WDCP: variants seen among roughly 807,000 people sequenced by gnomAD.
WDCP encodes WD repeat and coiled-coil-containing protein.
WDCP carries 19 observed loss-of-function variants against 41.6 expected under a neutral mutation model. The ratio of observed to expected loss-of-function variants is 0.46; its 90% CI spans 0.32 to 0.67. The LOEUF (loss-of-function observed/expected upper bound fraction) is 0.67. WDCP is among the 30% of genes least tolerant of loss of function. WDCP has a pLI of 0.04. For synonymous variants in WDCP, 302 were observed against 320.8 expected, an observed-to-expected ratio of 0.94 and a Z score of 0.63; for missense variants, 802 against 850.7, an observed-to-expected ratio of 0.94 and a Z score of 0.71.
At chr2:24,033,871 G>A (rs1156853388) in intron 2 of WDCP, among the ~76,000 whole-genome samples, 1 of 152,120 alleles carries the variant, frequency 6.6e-6, no homozygotes, top group Non-Finnish European at 1.5e-5. Context: ...TGGGCAACAT[G>A]GCAAGACCCC....
At chr2:24,031,347 A>C (rs1337549945) in intron 3 of WDCP, among the ~76,000 whole-genome samples, 185 bp from the exon 4 acceptor site, 1 of 152,180 alleles carries the variant, frequency 6.6e-6, no homozygotes, top group Admixed American at 6.6e-5. Flanking sequence ...GTCAGGTAGG[A>C]GAAAAAGGGG....
Position 24,038,066 on chromosome 2 carries a change from CTTTGT to C in WDCP, c.1424_1428del (p.Asn475ArgfsTer7), listed in dbSNP as rs749479538. 1 of 1,614,086 alleles carries C rather than the reference CTTTGT, an allele frequency of 6.2e-7. No individual in the cohort carries two copies. Among genetic ancestry groups the C allele is most frequent in the Non-Finnish European group, 8.5e-7 (1 of 1,180,000 alleles). On this transcript the variant is annotated frameshift_variant, in exon 2 of 4. Transcript: ENST00000295148. LOFTEE classifies it high-confidence loss of function. ...CTGGTATTAACTGTCAGCAACAGCC[CTTTGT>C]TTTGGTGACAAAAATCTGGGGAAAG... is the stretch of plus-strand genomic sequence containing the variant.
At chr2:24,036,343 T>TA (rs767621297) in intron 2 of WDCP, among the ~76,000 whole-genome samples, 134 of 138,828 alleles carry the variant, frequency 9.7e-4, no homozygotes, top group Middle Eastern at 3.9e-3. Context: ...CTGTCTCTGC[T>TA]AAAAAAAAAA....
rs869243363 is a variant in WDCP at position 24,045,600 on chromosome 2, C to CA, written c.-19+1713dup. ...TGGGTGACAGAGCAAGACTCCATCT[C>CA]AAAAAAAAAAAAAAAAAAAAGAGAG... On this transcript the variant is annotated intron_variant, in intron 1 of 3. Transcript: ENST00000295148. Among the ~76,000 whole-genome samples, 291 of 64,252 alleles carry CA rather than the reference C, an allele frequency of 4.5e-3. 4 individuals are homozygous for CA. Among genetic ancestry groups the CA allele is most frequent in the Non-Finnish European group, 5.9e-3 (210 of 35,670 alleles). The allele number at this position is 64,252 out of a possible 152,430, so 42.2% of individuals were successfully genotyped here. A position where few individuals can be genotyped will look rare whatever the true frequency, so the allele number is the denominator to read the frequency against.
Position 24,038,669 on chromosome 2 carries a change from A to G in WDCP, c.826T>C (p.Ser276Pro). ...DSETNSEVSV[S>P]SSYLEPLDLT... Reference sequence around the variant, plus strand: ...TCCAGAGGTTCTAAATAGGAAGAAGAAACTGATACTTCAGAATTTGTTTCA... The same window carrying G: ...TCCAGAGGTTCTAAATAGGAAGAAGGAACTGATACTTCAGAATTTGTTTCA... Residue 276 changes from serine to proline, a missense_variant, in exon 2 of 4, where the codon TCT becomes CCT. Around this residue, in one of 5 missense-constraint regions of WDCP, gnomAD observed 247 missense variants for 240.5 expected, o/e 1.03. Transcript: ENST00000295148. The G allele has an allele frequency of 4.3e-6, 7 of 1,614,248 alleles. No homozygotes were observed. Among genetic ancestry groups the G allele is most frequent in the Non-Finnish European group, 5.9e-6 (7 of 1,180,030 alleles).
intron 1 of WDCP, among the ~76,000 whole-genome samples, chr2:24,046,555 T>C (rs553639440): frequency 1.3e-4 from 20 of 152,340 alleles, no homozygotes; most frequent in African/African-American, 4.6e-4. Context: ...GTTTTTCATC[T>C]TCTTTAAAGA....
In WDCP at chr2:24,038,314, A is replaced by G; in HGVS notation, c.1181T>C (p.Leu394Ser). Residue 394 changes from leucine to serine, a missense_variant, in exon 2 of 4, where the codon TTG becomes TCG. Physicochemically the swap from Leu to Ser is moderately radical, Grantham distance 145 (BLOSUM62 -2). This residue lies in a region of WDCP where 247 missense variants were observed against 240.5 expected (regional missense o/e 1.03). Coordinates refer to ENST00000295148, the MANE Select transcript of WDCP (RefSeq NM_025203.3). Reference protein sequence around the residue: ...NTERPKGICFLTDQLLLILVG... With the variant: ...NTERPKGICFSTDQLLLILVG... ...CAAAATTAGTAATAGTTGGTCTGTC[A>G]AGAAACATATCCCTTTTGGTCTTTC... 8 of 1,614,232 alleles carry G rather than the reference A, an allele frequency of 5.0e-6. No individual in the cohort carries two copies. The highest frequency in any genetic ancestry group is 6.8e-6 in the Non-Finnish European group (8 of 1,180,030).
chr2:24,045,631 GAGGA>G (rs4041250), intron 1 of WDCP, among the ~76,000 whole-genome samples: 17,725 of 105,976 alleles, frequency 0.17, 1,676 homozygotes, highest in Non-Finnish European at 0.2. Context: ...GAGAGAGAGA[GAGGA>G]AGGAAGGAAG....
Position 24,040,000 on chromosome 2 carries a change from T to A in WDCP, c.-18-488A>T, listed in dbSNP as rs368147543. Among the ~76,000 whole-genome samples, 1,095 of 151,868 alleles carry A rather than the reference T, an allele frequency of 7.2e-3. 10 individuals are homozygous for A. Among genetic ancestry groups the A allele is most frequent in the African/African-American group, 0.025 (1,054 of 41,442 alleles). On this transcript the variant is annotated intron_variant, in intron 1 of 3. Transcript: ENST00000295148. ...ATTTTTAGTAGAGACGGGGTTTCAC[T>A]ATGTTGGCCAGGCTGGTCTCAAACT...
intron 1 of WDCP, among the ~76,000 whole-genome samples, chr2:24,042,042 T>A (rs1663458202): frequency 6.6e-6 from 1 of 152,118 alleles, no homozygotes; most frequent in Non-Finnish European, 1.5e-5. Context: ...AGTGGATACA[T>A]AAATATATAA....
chr2:24,034,355 G>A (rs1305886205), intron 2 of WDCP, among the ~76,000 whole-genome samples: 2 of 152,178 alleles, frequency 1.3e-5, no homozygotes, highest in East Asian at 3.9e-4. Context: ...AGGAGGCGGA[G>A]GTTGCAGTGA....
chr2:24,040,942 G>T (rs1337052572), intron 1 of WDCP, among the ~76,000 whole-genome samples: 1 of 152,092 alleles, frequency 6.6e-6, no homozygotes, highest in Non-Finnish European at 1.5e-5. Context: ...TTTGAACTGG[G>T]GAGGCAGAGG....
intron 1 of WDCP, among the ~76,000 whole-genome samples, chr2:24,041,353 A>C (rs930626379): frequency 2.0e-5 from 3 of 151,888 alleles, no homozygotes; most frequent in African/African-American, 7.3e-5. Flanking sequence ...AAAAAAAAAA[A>C]AACTGTTCCC....
rs70944707 is a variant in WDCP, at chr2:24,034,574, C to CTT, written c.1819-1630_1819-1629dup. On this transcript the variant is annotated intron_variant, in intron 2 of 3. Coordinates refer to ENST00000295148, the MANE Select transcript of WDCP (RefSeq NM_025203.3). ...CTGAGGAATTGAAAGGGCAACAAAA[C>CTT]TTTTTTTTTTTTTTTTTGAGACAGA... 4.0e-3 allele frequency among the ~76,000 whole-genome samples: 556 copies of CTT among 138,010 alleles called. 11 individuals carry two copies. Among genetic ancestry groups the CTT allele is most frequent in the East Asian group, 0.015 (73 of 4,796 alleles). 90.5% of individuals were successfully genotyped at this position (138,010 alleles called of 152,430 possible).
chr2:24,035,953 C>T (rs1663238672), intron 2 of WDCP, among the ~76,000 whole-genome samples: 1 of 151,636 alleles, frequency 6.6e-6, no homozygotes, highest in Admixed American at 6.6e-5. Flanking sequence ...CCTGTAATCC[C>T]AGCTACTTGG....
Position 24,037,851 on chromosome 2 carries a change from T to C in WDCP, c.1644A>G (p.Leu548=). ...EPPRLPQRKN[L]QSEKETYQLS... ...GCTGATAAGTTTCCTTTTCACTTTG[T>C]AAGTTCTTTCTTTGAGGCAAACGAG... The change falls in exon 2 of 4, where the codon TTA becomes TTG. Residue 548 remains leucine, a synonymous_variant. Coordinates refer to ENST00000295148, the MANE Select transcript of WDCP (RefSeq NM_025203.3). 1 of 1,614,224 alleles carries C rather than the reference T, an allele frequency of 6.2e-7. No homozygotes were observed.
In WDCP at chr2:24,030,021, GTC is replaced by G. The variant is rs1323131179; in HGVS notation, c.*910_*911del. ...ACTTTCTCTCACAGATTCTCTGCTGGTCTCTAAGACTTAAAAGGAGAGAAAAT... is the reference window on the plus strand; with the variant it reads ...ACTTTCTCTCACAGATTCTCTGCTGGTCTAAGACTTAAAAGGAGAGAAAAT... On this transcript the variant is annotated 3_prime_UTR_variant, in exon 4 of 4. Transcript: ENST00000295148. 1 of 152,474 alleles carries G rather than the reference GTC, an allele frequency of 6.6e-6. No homozygotes were observed. Among genetic ancestry groups the G allele is most frequent in the Non-Finnish European group, 1.5e-5 (1 of 68,022 alleles). The allele number at this position is 152,474 out of a possible 1,614,324, so 9.4% of individuals were successfully genotyped here. A position where few individuals can be genotyped will look rare whatever the true frequency, so the allele number is the denominator to read the frequency against.
At position 24,039,255 on chromosome 2, in the gene WDCP, C is replaced by A; in HGVS notation, c.240G>T (p.Gln80His). 3 of 1,614,260 alleles carry A rather than the reference C, an allele frequency of 1.9e-6. No individual in the cohort carries two copies. The highest frequency in any genetic ancestry group is 2.2e-5 in the East Asian group (1 of 44,888). Reference sequence around the variant, plus strand: ...GCCACACAGTGACATGCTTCTCATGCTGGACAGCGAGTAGAACAGGTGTAT... The same window carrying A: ...GCCACACAGTGACATGCTTCTCATGATGGACAGCGAGTAGAACAGGTGTAT... ...ADDTPVLLAV[Q>H]HEKHVTVWQL... Residue 80 changes from glutamine (Q) to histidine (H), a missense_variant, in exon 2 of 4, where the codon CAG becomes CAT. By Grantham distance (24) the Gln-to-His change is conservative. Coordinates refer to ENST00000295148, the MANE Select transcript of WDCP (RefSeq NM_025203.3).
chr2:24,039,054 G>C lies in WDCP; in HGVS notation c.441C>G (p.Ser147=), dbSNP rs1414731975. Residue 147 remains serine, a synonymous_variant, in exon 2 of 4, where the codon TCC becomes TCG. Coordinates refer to ENST00000295148, the MANE Select transcript of WDCP (RefSeq NM_025203.3). ...SIFPNVHSDD[S]QVKADINTQG... is the part of the protein sequence containing the mutation. ...GGGTGTTGATGTCTGCCTTTACCTG[G>C]GAATCATCAGAGTGAACATTAGGGA... The C allele has an allele frequency of 6.2e-7, 1 of 1,613,994 alleles. No homozygotes were observed. The highest frequency in any genetic ancestry group is 1.7e-5 in the Admixed American group (1 of 59,992).
Sources: gnomAD v4.1 joint callset for allele counts (sites outside exome capture counted in the v4.1 genomes callset) on GRCh38, gnomAD v4.1.1 for gene constraint, gnomAD v4.1.1 regional missense constraint, MANE v1.5 for transcripts, NCBI Gene and HGNC (gene_info 2026-07-23, HGNC 2026-07-21) for gene names.